The following ZNF608 variants were observed in gnomAD, a reference collection of about 807,000 sequenced individuals.
The protein encoded by ZNF608 is renal carcinoma antigen NY-REN-36.
Under a neutral mutation model 109.0 loss-of-function variants are expected in ZNF608, and 12 were observed. The ratio of observed to expected loss-of-function variants is 0.11; its 90% CI spans 0.07 to 0.18. The LOEUF (loss-of-function observed/expected upper bound fraction) is 0.18. Among genes scored for constraint, ZNF608 ranks in the 10% least tolerant of loss-of-function variants. The pLI is 1.00. For missense variants in ZNF608, 1,707 were observed against 1,879.3 expected, an observed-to-expected ratio of 0.91 and a Z score of 1.70; for synonymous variants, 732 against 717.4, an observed-to-expected ratio of 1.02 and a Z score of -0.33.
chr5:124,732,630 TG>T (rs1355403693), intron 2 of ZNF608, among the ~76,000 whole-genome samples: 1 of 152,082 alleles, frequency 6.6e-6, no homozygotes, highest in African/African-American at 2.4e-5. Flanking sequence ...ACTTCACTGC[TG>T]TTGCTGGAGA....
At chr5:124,665,885 C>T (rs1751458547) in intron 3 of ZNF608, among the ~76,000 whole-genome samples, 1 of 152,218 alleles carries the variant, frequency 6.6e-6, no homozygotes, top group African/African-American at 2.4e-5. Flanking sequence ...GGTTATTCTC[C>T]CAGACTCTGG....
chr5:124,702,103 A>G (rs1254665157), intron 2 of ZNF608, among the ~76,000 whole-genome samples: 1 of 152,246 alleles, frequency 6.6e-6, no homozygotes, highest in Non-Finnish European at 1.5e-5. Flanking sequence ...GCAGCAAAAG[A>G]GTTCTTCATC....
intron 5 of ZNF608, among the ~76,000 whole-genome samples, chr5:124,646,247 G>GCTACT (rs1561531516): frequency 6.6e-6 from 1 of 152,154 alleles, no homozygotes; most frequent in Non-Finnish European, 1.5e-5. Flanking sequence ...TGTAGTCCCA[G>GCTACT]CTACTCAGGA....
chr5:124,696,648 T>C (rs1423713472), intron 3 of ZNF608, among the ~76,000 whole-genome samples: 6 of 152,166 alleles, frequency 3.9e-5, no homozygotes, highest in African/African-American at 7.2e-5. Flanking sequence ...GTGGAGTTCA[T>C]GTTGAGGAGC....
In ZNF608 at chr5:124,680,405, T is replaced by C. The variant is rs563566056; in HGVS notation, c.1162+20609A>G. On this transcript the variant is annotated intron_variant, in intron 3 of 9. Coordinates refer to ENST00000513986, the MANE Select transcript of ZNF608 (RefSeq NM_020747.3). ...TTTATAAAGTTTATATAATGAAGAG[T>C]GAATCCTTCACTCTCTTTTTTTCCA... Among the ~76,000 whole-genome samples, 19 of 149,476 alleles carry C rather than the reference T, an allele frequency of 1.3e-4. No individual in the cohort carries two copies. In the South Asian group the frequency reaches 3.8e-3, roughly 30 times the overall value.
chr5:124,725,009 C>T (rs2149884481), intron 2 of ZNF608, among the ~76,000 whole-genome samples: 1 of 152,226 alleles, frequency 6.6e-6, no homozygotes, highest in East Asian at 1.9e-4. Context: ...TAGATTTCAT[C>T]TTCTGGAACT....
intron 3 of ZNF608, among the ~76,000 whole-genome samples, chr5:124,693,833 A>G (rs2149839903): frequency 6.6e-6 from 1 of 152,154 alleles, no homozygotes; most frequent in African/African-American, 2.4e-5. Context: ...GGAAAATGGC[A>G]CAAAACCCCG....
At chr5:124,734,160 T>A (rs1749038099) in intron 2 of ZNF608, among the ~76,000 whole-genome samples, 1 of 152,194 alleles carries the variant, frequency 6.6e-6, no homozygotes, top group Non-Finnish European at 1.5e-5. Context: ...TTGATATCAA[T>A]CTGCCAAGAT....
intron 2 of ZNF608, among the ~76,000 whole-genome samples, chr5:124,718,009 A>G (rs1753771384): frequency 6.6e-6 from 1 of 152,158 alleles, no homozygotes; most frequent in Non-Finnish European, 1.5e-5. Context: ...AACACATAAC[A>G]TGGCTGAGCA....
intron 2 of ZNF608, among the ~76,000 whole-genome samples, chr5:124,737,020 T>G (rs1445802589): frequency 3.3e-5 from 5 of 152,078 alleles, no homozygotes; most frequent in Admixed American, 1.3e-4. Context: ...AAGTTACCCT[T>G]CAATGAAAAG....
intron 2 of ZNF608, among the ~76,000 whole-genome samples, chr5:124,718,555 T>C (rs1304336988): frequency 6.6e-6 from 1 of 152,232 alleles, no homozygotes; most frequent in African/African-American, 2.4e-5. Flanking sequence ...CCAAAAGCCC[T>C]TGAGATCTTG....
chr5:124,718,780 A>G (rs865937352), intron 2 of ZNF608, among the ~76,000 whole-genome samples: 4 of 152,328 alleles, frequency 2.6e-5, no homozygotes, highest in Middle Eastern at 3.4e-3. Context: ...TCACTAGCAT[A>G]TGGGAACTTG....
At chr5:124,747,059 G>A (rs1749665991), upstream of ZNF608, among the ~76,000 whole-genome samples, 4 of 152,042 alleles carry the variant, frequency 2.6e-5, no homozygotes, top group Admixed American at 1.3e-4. Context: ...TTAAGAAAAA[G>A]GAACTGAGTT....
chr5:124,719,013 T>C (rs1356314579), intron 2 of ZNF608, among the ~76,000 whole-genome samples: 3 of 152,228 alleles, frequency 2.0e-5, no homozygotes, highest in South Asian at 4.1e-4. Flanking sequence ...TCCACCAATA[T>C]GTAACTAAGA....
intron 3 of ZNF608, among the ~76,000 whole-genome samples, chr5:124,695,528 G>T (rs1752810770): frequency 6.6e-6 from 1 of 152,148 alleles, no homozygotes; most frequent in Non-Finnish European, 1.5e-5. Context: ...ACTTTGGGAG[G>T]CCAAGGCAGG....
At chr5:124,737,631 G>A (rs1749211788) in intron 2 of ZNF608, among the ~76,000 whole-genome samples, 1 of 152,108 alleles carries the variant, frequency 6.6e-6, no homozygotes, top group African/African-American at 2.4e-5. Flanking sequence ...TATTTGCTTT[G>A]TGATCATTTC....
chr5:124,731,154 C>CT (rs1164001559), intron 2 of ZNF608, among the ~76,000 whole-genome samples: 1 of 152,122 alleles, frequency 6.6e-6, no homozygotes, highest in East Asian at 1.9e-4. Context: ...TTTTTTATAA[C>CT]TTTAAAAAGA....
At chr5:124,748,784 C>T (rs1580736842), upstream of ZNF608, 1 of 139,370 alleles carries the variant, frequency 7.2e-6, no homozygotes, top group East Asian at 2.0e-4. Flanking sequence ...AGGACTGAAA[C>T]ACAACACACA....
intron 3 of ZNF608, among the ~76,000 whole-genome samples, chr5:124,684,466 C>T (rs573970945): frequency 6.6e-6 from 1 of 152,254 alleles, no homozygotes; most frequent in South Asian, 2.1e-4. Flanking sequence ...TTCTTCTTTT[C>T]CCTTATAACT....
Sources: gnomAD v4.1 joint callset for allele counts (sites outside exome capture counted in the v4.1 genomes callset) on GRCh38, gnomAD v4.1.1 for gene constraint, MANE v1.5 for transcripts, NCBI Gene and HGNC (gene_info 2026-07-23, HGNC 2026-07-21) for gene names.